The following ADGRG5 variants were observed in gnomAD, a reference collection of about 807,000 sequenced individuals.
ADGRG5 encodes G protein-coupled receptor 114.
In ADGRG5, 37 loss-of-function variants were observed where a neutral mutation model predicts 53.2. The observed-to-expected ratio is 0.70, with a 90% CI of 0.53 to 0.91. ADGRG5 has a LOEUF of 0.91. Ranked by LOEUF, ADGRG5 falls within the 40% of genes least tolerant of loss-of-function variation. ADGRG5 has a pLI of 0.00. For missense variants in ADGRG5, 614 were observed against 675.8 expected, an observed-to-expected ratio of 0.91 and a Z score of 1.01; for synonymous variants, 277 against 290.4, an observed-to-expected ratio of 0.95 and a Z score of 0.47.
intron 9 of ADGRG5, among the ~76,000 whole-genome samples, chr16:57,568,556 TCACCTCCTCCACCTCCATCAC>T (rs2033215552): frequency 7.0e-6 from 1 of 143,130 alleles, no homozygotes; most frequent in African/African-American, 2.6e-5. Flanking sequence ...ACCACCATGA[TCACCTCCTCCACCTCCATCAC>T]CACCTCCTCC....
chr16:57,539,770 A>C (rs539558988), upstream of ADGRG5, among the ~76,000 whole-genome samples: 9 of 152,116 alleles, frequency 5.9e-5, no homozygotes, highest in Middle Eastern at 3.4e-3. Context: ...CTACACTTAA[A>C]AATGCTTAAA....
intron 1 of ADGRG5, among the ~76,000 whole-genome samples, chr16:57,558,147 T>C (rs1376236890): frequency 1.3e-5 from 2 of 152,246 alleles, no homozygotes; most frequent in African/African-American, 4.8e-5. Context: ...TTTATCTGTT[T>C]ATTTAGAGAT....
chr16:57,567,345 A>G, intron 7 of ADGRG5, 125 bp from the exon 8 acceptor site: 1 of 1,064,332 alleles, frequency 9.4e-7, no homozygotes, highest in Non-Finnish European at 1.3e-6. Flanking sequence ...TGTTCAAGCC[A>G]GGTCCATGGC....
At chr16:57,558,693 A>T (rs1364916774) in intron 1 of ADGRG5, among the ~76,000 whole-genome samples, 2 of 152,150 alleles carry the variant, frequency 1.3e-5, no homozygotes, top group Non-Finnish European at 2.9e-5. Flanking sequence ...CATGGGAACC[A>T]ATCTCTGCCT....
intron 1 of ADGRG5, among the ~76,000 whole-genome samples, chr16:57,554,473 T>C (rs2032829591): frequency 6.6e-6 from 1 of 152,032 alleles, no homozygotes; most frequent in South Asian, 2.1e-4. Context: ...GCCTCCCAGG[T>C]TCACGCCATT....
At chr16:57,559,012 ATTT>A (rs10564046) in intron 1 of ADGRG5, among the ~76,000 whole-genome samples, 6,319 of 139,546 alleles carry the variant, frequency 0.045, 215 homozygotes, top group East Asian at 0.13. Flanking sequence ...CATCTGCCTA[ATTT>A]TTTTTTTTTT....
chr16:57,570,343 C>A (rs1179747561), intron 9 of ADGRG5, 75 bp from the exon 10 acceptor site: 3 of 868,322 alleles, frequency 3.5e-6, no homozygotes, highest in Middle Eastern at 3.4e-4. Flanking sequence ...TCTGTGTCAG[C>A]AGCCCCAGGG....
At chr16:57,529,234 G>A in the ADGRG5 span, 2 of 1,137,868 alleles carry the variant, frequency 1.8e-6, no homozygotes, top group East Asian at 4.3e-5. The surrounding 1 kb of genome is among the most constrained non-coding windows in gnomAD (Gnocchi z 4.1). Flanking sequence ...GGGCGGCTCC[G>A]GGGACGCGCG....
intron 9 of ADGRG5, among the ~76,000 whole-genome samples, chr16:57,569,089 A>C (rs1449827453): frequency 7.0e-6 from 1 of 142,420 alleles, no homozygotes; most frequent in East Asian, 2.2e-4. Context: ...CACCACCATC[A>C]TCACCTCCTC....
chr16:57,570,896 G>T (rs2033335021), intron 10 of ADGRG5, among the ~76,000 whole-genome samples: 1 of 152,120 alleles, frequency 6.6e-6, no homozygotes, highest in Non-Finnish European at 1.5e-5. Context: ...CCACCTTGCT[G>T]CACCTACCCA....
chr16:57,547,386 T>C (rs2032643456), intron 1 of ADGRG5, among the ~76,000 whole-genome samples: 1 of 152,234 alleles, frequency 6.6e-6, no homozygotes, highest in Non-Finnish European at 1.5e-5. Context: ...TTTCAACCTG[T>C]CCTTTCCACT....
At chr16:57,538,431 CTG>C (rs1455332070), upstream of ADGRG5, among the ~76,000 whole-genome samples, 1 of 152,136 alleles carries the variant, frequency 6.6e-6, no homozygotes, top group Non-Finnish European at 1.5e-5. Flanking sequence ...TAGGGACACT[CTG>C]TCTCTACAAA....
At chr16:57,556,651 G>C (rs1487719599) in intron 1 of ADGRG5, among the ~76,000 whole-genome samples, 1 of 152,084 alleles carries the variant, frequency 6.6e-6, no homozygotes, top group African/African-American at 2.4e-5. Context: ...TACTTCTACA[G>C]ACACTGTGAT....
chr16:57,543,814 C>T (rs2146746080), intron 1 of ADGRG5, among the ~76,000 whole-genome samples: 1 of 152,194 alleles, frequency 6.6e-6, no homozygotes, highest in Admixed American at 6.5e-5. Context: ...TGGCCAAGGA[C>T]TTTGATCAGA....
At chr16:57,532,432 C>A in the ADGRG5 span, among the ~76,000 whole-genome samples, 12 of 152,190 alleles carry the variant, frequency 7.9e-5, no homozygotes, top group African/African-American at 2.9e-4. Flanking sequence ...AGTCTCTCCG[C>A]CTGTGCAGTG....
intron 1 of ADGRG5, among the ~76,000 whole-genome samples, chr16:57,553,239 C>G (rs2032794645): frequency 6.6e-6 from 1 of 152,112 alleles, no homozygotes; most frequent in African/African-American, 2.4e-5. Context: ...CTGCAATCTT[C>G]AATTTGTAAA....
the ADGRG5 span, among the ~76,000 whole-genome samples, chr16:57,531,230 C>G: frequency 6.6e-6 from 1 of 151,920 alleles, no homozygotes; most frequent in Non-Finnish European, 1.5e-5. Context: ...TGCCTCCATT[C>G]CCCCCGTGAC....
At chr16:57,534,190 A>G in the ADGRG5 span, among the ~76,000 whole-genome samples, 2 of 151,202 alleles carry the variant, frequency 1.3e-5, no homozygotes, top group African/African-American at 2.4e-5. Flanking sequence ...CAGCCCTACA[A>G]CCTCCCACAG....
Position 57,565,214 on chromosome 16 carries a change from A to T in ADGRG5, c.546+64A>T, listed in dbSNP as rs2033103955. On this transcript the variant is annotated intron_variant, in intron 6 of 11. Transcript: ENST00000349457. Reference sequence around the variant, plus strand: ...CCCCTCTGTGACTCTCCTGTTGAACACTGGTTTGACTAGACCCAAACCTGT... The same window carrying T: ...CCCCTCTGTGACTCTCCTGTTGAACTCTGGTTTGACTAGACCCAAACCTGT... 9 of 929,370 alleles carry T rather than the reference A, an allele frequency of 9.7e-6. No homozygotes were observed. In the Admixed American group the frequency reaches 1.1e-4, roughly 12 times the overall value. 57.6% of individuals were successfully genotyped at this position (929,370 alleles called of 1,614,324 possible).
Sources: gnomAD v4.1 joint callset for allele counts (sites outside exome capture counted in the v4.1 genomes callset) on GRCh38, gnomAD v4.1.1 for gene constraint, Gnocchi (gnomAD v3.1) non-coding constraint, MANE v1.5 for transcripts, NCBI Gene and HGNC (gene_info 2026-07-23, HGNC 2026-07-21) for gene names.